The following SHANK2 variants were observed in gnomAD, a reference collection of about 807,000 sequenced individuals.
SHANK2 encodes SH3 and multiple ankyrin repeat domains 2.
SHANK2 carries 43 observed loss-of-function variants against 133.7 expected under a neutral mutation model. That is an observed-to-expected ratio of 0.32 (90% CI 0.25 to 0.41). The LOEUF is 0.41. Ranked by LOEUF, SHANK2 falls within the 10% of genes least tolerant of loss-of-function variation. The probability of loss-of-function intolerance (pLI) is 1.00; values close to 1 mark genes in which losing one functional copy is unlikely to be tolerated. For missense variants in SHANK2, 1,994 were observed against 2,235.8 expected (o/e 0.89, Z 2.18); for synonymous variants, 1,017 against 952.8 (o/e 1.07, Z -1.24).
At chr11:71,154,975 A>G (rs1555108791) in intron 2 of SHANK2, among the ~76,000 whole-genome samples, 4 of 92,778 alleles carry the variant, frequency 4.3e-5, no homozygotes, top group Admixed American at 2.5e-4. Flanking sequence ...CCACGCTCCC[A>G]GAAGAGGGAT....
At chr11:70,671,691 A>G (rs1438459637) in intron 15 of SHANK2, among the ~76,000 whole-genome samples, 2 of 152,190 alleles carry the variant, frequency 1.3e-5, no homozygotes, top group African/African-American at 2.4e-5. Flanking sequence ...GCCAACAAGG[A>G]GAAAGTCCCC....
chr11:70,599,863 A>AAAAG (rs797024328), intron 17 of SHANK2, among the ~76,000 whole-genome samples: 860 of 68,268 alleles, frequency 0.013, 86 homozygotes, highest in African/African-American at 0.04. Flanking sequence ...GAAAGAAATA[A>AAAAG]AAAGAAAGAA....
rs180814147 is a variant in SHANK2 at position 71,153,873 on chromosome 11, G to A, written c.-12-6535C>T. Among the ~76,000 whole-genome samples, 401 of 152,244 alleles carry A rather than the reference G, an allele frequency of 2.6e-3. 1 individual carries two copies. The highest frequency in any genetic ancestry group is 6.8e-3 in the Middle Eastern group (2 of 294). ...TAATCCCAGCTACTTGGGAGGCTAA[G>A]GCAGGAGAATCGCTTGAACTTGGGA... is the stretch of plus-strand genomic sequence containing the variant. On this transcript the variant is annotated intron_variant, in intron 2 of 25. Coordinates refer to ENST00000601538, the MANE Select transcript of SHANK2 (RefSeq NM_012309.5).
chr11:71,153,658 T>C (rs1251384261), intron 2 of SHANK2, among the ~76,000 whole-genome samples: 1 of 152,196 alleles, frequency 6.6e-6, no homozygotes, highest in Non-Finnish European at 1.5e-5. Flanking sequence ...AAAACCTTTG[T>C]AAACACCTTT....
intron 6 of SHANK2, among the ~76,000 whole-genome samples, chr11:71,105,461 T>C (rs1229206536): frequency 1.3e-5 from 2 of 151,344 alleles, no homozygotes; most frequent in South Asian, 4.2e-4. Context: ...GGCGTGGTGG[T>C]GCACGTCTAT....
chr11:70,673,959 A>AT (rs1256685450), intron 15 of SHANK2, among the ~76,000 whole-genome samples: 1 of 152,210 alleles, frequency 6.6e-6, no homozygotes, highest in Non-Finnish European at 1.5e-5. Context: ...TTTGATCCCA[A>AT]TGTTGTTGGT....
intron 2 of SHANK2, among the ~76,000 whole-genome samples, chr11:71,147,774 A>G (rs1952685389): frequency 6.6e-6 from 1 of 152,214 alleles, no homozygotes; most frequent in South Asian, 2.1e-4. Flanking sequence ...AGGAAGAAAC[A>G]TGGGCTTCAG....
chr11:70,649,678 C>T (rs2061316572), intron 17 of SHANK2, among the ~76,000 whole-genome samples: 1 of 152,128 alleles, frequency 6.6e-6, no homozygotes, highest in Non-Finnish European at 1.5e-5. Context: ...CCAGAGGCAC[C>T]AATGGGTGCA....
At chr11:70,852,815 C>T (rs1481392777) in intron 11 of SHANK2, among the ~76,000 whole-genome samples, 2 of 152,222 alleles carry the variant, frequency 1.3e-5, no homozygotes, top group African/African-American at 4.8e-5. Flanking sequence ...TGCACTCCAG[C>T]CTGGGCAACA....
chr11:71,138,305 A>G (rs80143468), intron 3 of SHANK2, among the ~76,000 whole-genome samples: 4,504 of 152,220 alleles, frequency 0.03, 207 homozygotes, highest in African/African-American at 0.099. Context: ...CAGGTACAGG[A>G]GGGGAAGATA....
intron 11 of SHANK2, among the ~76,000 whole-genome samples, chr11:70,837,223 C>T (rs1352783834): frequency 1.3e-5 from 2 of 152,230 alleles, no homozygotes; most frequent in Admixed American, 6.5e-5. Flanking sequence ...TGCCCCCTTA[C>T]AGGCCACTGC....
At chr11:70,665,648 T>G (rs1397661478) in intron 15 of SHANK2, among the ~76,000 whole-genome samples, 2 of 152,242 alleles carry the variant, frequency 1.3e-5, no homozygotes, top group Non-Finnish European at 2.9e-5. Flanking sequence ...TCACTTTCAC[T>G]GGCAGACAGA....
intron 14 of SHANK2, among the ~76,000 whole-genome samples, chr11:70,743,357 G>A (rs1946572260): frequency 6.6e-6 from 1 of 152,180 alleles, no homozygotes; most frequent in African/African-American, 2.4e-5. Context: ...GTGGGCTCTG[G>A]TGATTAGTGT....
chr11:70,568,621 T>C (rs1239546963), intron 17 of SHANK2, among the ~76,000 whole-genome samples: 7 of 126,776 alleles, frequency 5.5e-5, no homozygotes, highest in South Asian at 6.1e-4. Flanking sequence ...GCACCTCCCC[T>C]CTCCCATGTG....
intron 17 of SHANK2, among the ~76,000 whole-genome samples, chr11:70,612,686 C>T (rs1392618830): frequency 2.6e-5 from 4 of 152,242 alleles, no homozygotes; most frequent in Non-Finnish European, 5.9e-5. Context: ...CCGGGGTCTG[C>T]GCGTGCAATT....
chr11:70,681,152 T>C (rs1591743089), intron 15 of SHANK2, among the ~76,000 whole-genome samples: 1 of 151,946 alleles, frequency 6.6e-6, no homozygotes, highest in Non-Finnish European at 1.5e-5. Context: ...GCTGGGAGGG[T>C]CCTGCCTCTT....
At chr11:70,907,992 T>G (rs1590820188) in intron 10 of SHANK2, 1 of 437,032 alleles carries the variant, frequency 2.3e-6, no homozygotes, top group African/African-American at 2.0e-5. Flanking sequence ...TCCCAGCTAC[T>G]TGGGAGGCTG....
intron 6 of SHANK2, among the ~76,000 whole-genome samples, chr11:71,100,638 G>A (rs545289448): frequency 6.6e-6 from 1 of 152,324 alleles, no homozygotes; most frequent in East Asian, 1.9e-4. Flanking sequence ...GGACGCCAAG[G>A]CGGGCAGATC....
rs1347176670 is a variant in SHANK2, at chr11:70,472,473, G to C, written c.*396C>G. ...TGGGGTGGTGAGAGCTGCCCGGAAA[G>C]CAGAGGACGGAGGTCTCAGGAGGTA... On this transcript the variant is annotated 3_prime_UTR_variant, in exon 26 of 26. Coordinates refer to ENST00000601538, the MANE Select transcript of SHANK2 (RefSeq NM_012309.5). This position sits in a 1 kb window ranked among gnomAD's most constrained non-coding sequence, Gnocchi z 4.4. 15 of 281,706 alleles carry C rather than the reference G, an allele frequency of 5.3e-5. No homozygotes were observed. In the Admixed American group the frequency reaches 7.4e-4, roughly 14 times the overall value. 17.5% of individuals were successfully genotyped at this position (281,706 alleles called of 1,614,324 possible). A position where few individuals can be genotyped will look rare whatever the true frequency, so the allele number is the denominator to read the frequency against.
Sources: gnomAD v4.1 joint callset for allele counts (sites outside exome capture counted in the v4.1 genomes callset) on GRCh38, gnomAD v4.1.1 for gene constraint, Gnocchi (gnomAD v3.1) non-coding constraint, MANE v1.5 for transcripts, NCBI Gene and HGNC (gene_info 2026-07-23, HGNC 2026-07-21) for gene names.